Variants in WDPCP observed in about 807,000 individuals in gnomAD.
WDPCP encodes WD repeat-containing and planar cell polarity effector protein fritz homolog.
Under a neutral mutation model 93.1 loss-of-function variants are expected in WDPCP, and 71 were observed. That is an observed-to-expected ratio of 0.76 (90% confidence interval 0.63 to 0.93). WDPCP has a LOEUF of 0.93. WDPCP is among the 40% of genes least tolerant of loss of function. The pLI is 0.00. For missense variants in WDPCP, 844 were observed against 887.4 expected, an observed-to-expected ratio of 0.95 and a Z score of 0.62; for synonymous variants, 315 against 315.0, an observed-to-expected ratio of 1.00 and a Z score of 0.00.
intron 13 of WDPCP, among the ~76,000 whole-genome samples, chr2:63,289,658 G>T (rs1684254902): frequency 6.6e-6 from 1 of 151,856 alleles, no homozygotes; most frequent in African/African-American, 2.4e-5. Flanking sequence ...TTGGATATAG[G>T]TTCAAAAAAT....
intron 2 of WDPCP, among the ~76,000 whole-genome samples, chr2:63,796,616 T>A (rs553895862): frequency 3.9e-5 from 6 of 152,238 alleles, no homozygotes; most frequent in African/African-American, 1.4e-4. Flanking sequence ...CCTGTCATAG[T>A]GGAAAGCAAC....
chr2:63,248,658 T>C (rs1300816628), intron 14 of WDPCP, among the ~76,000 whole-genome samples: 1 of 152,186 alleles, frequency 6.6e-6, no homozygotes, highest in South Asian at 2.1e-4. Context: ...ATAATGTATA[T>C]ATTGGTATAT....
intron 1 of WDPCP, among the ~76,000 whole-genome samples, chr2:63,532,422 G>A (rs1044228075): frequency 2.0e-5 from 3 of 152,140 alleles, no homozygotes; most frequent in African/African-American, 4.8e-5. Context: ...GATTCACCAA[G>A]GTTGAAATGA....
In WDPCP at chr2:63,599,115, G is replaced by C. The variant is rs545800670; in HGVS notation, n.488+51544C>G. The C allele has an allele frequency of 9.7e-6, 15 of 1,549,016 alleles. No individual in the cohort carries two copies. The East Asian group carries it at 3.5e-4, about 37-fold the overall frequency. ...ACATTTTCAGTCAAATTTTAACATA[G>C]ATTAGTTAGTAACTATATAGTCTGT... is the stretch of plus-strand genomic sequence containing the variant. On this transcript the variant is annotated intron_variant and non_coding_transcript_variant, in intron 3 of 4. Transcript: ENST00000467687.
At chr2:63,525,224 A>G (rs1230861299) in intron 1 of WDPCP, among the ~76,000 whole-genome samples, 1 of 152,184 alleles carries the variant, frequency 6.6e-6, no homozygotes. Flanking sequence ...AGAAGGGAAC[A>G]ACAGACCCAA....
intron 2 of WDPCP, among the ~76,000 whole-genome samples, chr2:63,487,744 A>C (rs1700652695): frequency 6.6e-6 from 1 of 152,126 alleles, no homozygotes; most frequent in African/African-American, 2.4e-5. Context: ...GAAAAAGATT[A>C]GTAAAGAACT....
chr2:63,237,962 T>G (rs906276650), intron 14 of WDPCP, among the ~76,000 whole-genome samples: 3 of 151,596 alleles, frequency 2.0e-5, no homozygotes, highest in African/African-American at 7.3e-5. Flanking sequence ...TGTACATGCA[T>G]TCCCCTAGTC....
At chr2:63,246,304 T>A (rs1574972377) in intron 14 of WDPCP, among the ~76,000 whole-genome samples, 1 of 152,246 alleles carries the variant, frequency 6.6e-6, no homozygotes, top group Non-Finnish European at 1.5e-5. Context: ...TCATAAACAT[T>A]TTACACCAGT....
intron 12 of WDPCP, among the ~76,000 whole-genome samples, chr2:63,342,821 G>A (rs567875276): frequency 3.3e-5 from 5 of 152,006 alleles, no homozygotes; most frequent in South Asian, 2.1e-4. Flanking sequence ...ATCTTTACAC[G>A]TTCTTTATTT....
chr2:63,436,091 T>C (rs998350553), intron 8 of WDPCP, among the ~76,000 whole-genome samples: 4 of 152,108 alleles, frequency 2.6e-5, no homozygotes, highest in Admixed American at 2.6e-4. Context: ...CAGAATTTTA[T>C]ATATACTTAC....
At chr2:63,493,204 G>C (rs1236247306) in intron 1 of WDPCP, among the ~76,000 whole-genome samples, 1 of 152,050 alleles carries the variant, frequency 6.6e-6, no homozygotes, top group Non-Finnish European at 1.5e-5. Flanking sequence ...TAGTATTTGG[G>C]TTTTCAATAG....
chr2:63,214,589 T>A (rs1677147895), intron 14 of WDPCP, among the ~76,000 whole-genome samples: 1 of 152,038 alleles, frequency 6.6e-6, no homozygotes, highest in South Asian at 2.1e-4. Context: ...CTCTCACCAC[T>A]CCTATTCAAC....
chr2:63,737,616 A>G (rs1481037698), intron 2 of WDPCP, among the ~76,000 whole-genome samples: 1 of 152,126 alleles, frequency 6.6e-6, no homozygotes, highest in Non-Finnish European at 1.5e-5. Context: ...CCTGGAGGCT[A>G]CTTGAGTTGT....
chr2:63,722,589 C>T (rs925178746), intron 2 of WDPCP, among the ~76,000 whole-genome samples: 7 of 140,356 alleles, frequency 5.0e-5, no homozygotes, highest in South Asian at 2.3e-4. Flanking sequence ...CCCGGCCAGC[C>T]GCCCCGTCCG....
chr2:63,643,298 C>T (rs548546784), intron 3 of WDPCP: 23 of 365,592 alleles, frequency 6.3e-5, no homozygotes, highest in Non-Finnish European at 1.0e-4. Context: ...GCCAGTCTCT[C>T]GTCTCTCTCT....
intron 12 of WDPCP, among the ~76,000 whole-genome samples, chr2:63,364,569 G>C (rs2104701573): frequency 6.6e-6 from 1 of 152,178 alleles, no homozygotes; most frequent in Non-Finnish European, 1.5e-5. Flanking sequence ...AAGACACATA[G>C]CTCAGTGCTA....
intron 1 of WDPCP, among the ~76,000 whole-genome samples, chr2:63,522,220 G>A (rs1327043187): frequency 6.7e-6 from 1 of 150,234 alleles, no homozygotes; most frequent in African/African-American, 2.5e-5. Flanking sequence ...TCCCCTCCCT[G>A]TGTCGATGTG....
chr2:63,273,429 CAAACTT>C (rs1187397038), intron 13 of WDPCP, among the ~76,000 whole-genome samples: 1 of 150,946 alleles, frequency 6.6e-6, no homozygotes, highest in Admixed American at 6.6e-5. Context: ...ATATACAAAA[CAAACTT>C]AAAACATGTA....
At chr2:63,779,642 T>C (rs1670359068) in intron 2 of WDPCP, among the ~76,000 whole-genome samples, 1 of 152,120 alleles carries the variant, frequency 6.6e-6, no homozygotes, top group Non-Finnish European at 1.5e-5. Flanking sequence ...TAGGTGCGTA[T>C]ATCCTTGGGG....
Sources: gnomAD v4.1 joint callset for allele counts (sites outside exome capture counted in the v4.1 genomes callset) on GRCh38, gnomAD v4.1.1 for gene constraint, MANE v1.5 for transcripts, NCBI Gene and HGNC (gene_info 2026-07-23, HGNC 2026-07-21) for gene names.